The following TRPM3 variants were observed in gnomAD, a reference collection of about 807,000 sequenced individuals.
TRPM3 encodes long transient receptor potential channel 3.
A neutral mutation model predicts 181.2 loss-of-function variants in TRPM3; 77 were observed. That is an observed-to-expected ratio of 0.42 (90% CI 0.35 to 0.51). The LOEUF (loss-of-function observed/expected upper bound fraction) is 0.51, where lower values mean the gene tolerates loss of function less well. TRPM3 is among the 20% of genes least tolerant of loss of function. The pLI, the probability that TRPM3 is intolerant of heterozygous loss-of-function variation, is 0.01. For synonymous variants in TRPM3, 745 were observed against 796.4 expected, an observed-to-expected ratio of 0.94 and a Z score of 1.09; for missense variants, 1,759 against 2,196.7, an observed-to-expected ratio of 0.80 and a Z score of 3.98.
chr9:70,797,843 A>T (rs2087622406), intron 6 of TRPM3, among the ~76,000 whole-genome samples: 1 of 152,120 alleles, frequency 6.6e-6, no homozygotes, highest in African/African-American at 2.4e-5. Context: ...CCAGACCCTG[A>T]AGATGTGCAG....
chr9:70,848,528 T>TA (rs1179181617), intron 3 of TRPM3, among the ~76,000 whole-genome samples: 1 of 152,158 alleles, frequency 6.6e-6, no homozygotes, highest in African/African-American at 2.4e-5. Flanking sequence ...AAACCTCACT[T>TA]ACATACACAT....
At chr9:70,822,274 T>C (rs2093242069) in intron 6 of TRPM3, among the ~76,000 whole-genome samples, 1 of 152,198 alleles carries the variant, frequency 6.6e-6, no homozygotes, top group African/African-American at 2.4e-5. Flanking sequence ...TAGTCCTCAG[T>C]CCCTTTCTTT....
At chr9:70,864,212 G>T (rs2095588352) in intron 2 of TRPM3, among the ~76,000 whole-genome samples, 1 of 151,902 alleles carries the variant, frequency 6.6e-6, no homozygotes, top group African/African-American at 2.4e-5. Context: ...TTCCACAATG[G>T]TATATATGTT....
chr9:71,383,541 C>G (rs1435716945), intron 1 of TRPM3, among the ~76,000 whole-genome samples: 1 of 152,154 alleles, frequency 6.6e-6, no homozygotes, highest in Non-Finnish European at 1.5e-5. Flanking sequence ...CAAAAGGCAA[C>G]AGCCCCTGTC....
chr9:70,865,516 C>T (rs2095631350), intron 1 of TRPM3: 1 of 152,082 alleles, frequency 6.6e-6, no homozygotes, highest in Non-Finnish European at 1.5e-5. Context: ...ATATACAGGG[C>T]TAAAGCACAA....
At chr9:70,903,596 C>T (rs1305725229) in intron 1 of TRPM3, among the ~76,000 whole-genome samples, 4 of 151,916 alleles carry the variant, frequency 2.6e-5, no homozygotes, top group Non-Finnish European at 2.9e-5. Context: ...AGAAATTTGC[C>T]TTTTTGTTGA....
At chr9:70,746,635 C>A (rs2075211056) in intron 8 of TRPM3, among the ~76,000 whole-genome samples, 1 of 152,086 alleles carries the variant, frequency 6.6e-6, no homozygotes, top group African/African-American at 2.4e-5. Context: ...GGATACAGGG[C>A]ATGTGCAACC....
intron 1 of TRPM3, among the ~76,000 whole-genome samples, chr9:71,316,672 C>T (rs1292599193): frequency 6.6e-6 from 1 of 152,084 alleles, no homozygotes; most frequent in Non-Finnish European, 1.5e-5. Flanking sequence ...GAAATGGATC[C>T]TCTCCCAGAG....
rs748894778 is a variant in TRPM3, at chr9:71,032,946, C to T, written c.177+88232G>A. Among the ~76,000 whole-genome samples, 154 of 152,252 alleles carry T rather than the reference C, an allele frequency of 1.0e-3. 1 individual carries two copies. The highest frequency in any genetic ancestry group is 1.3e-3 in the Non-Finnish European group (86 of 68,014). On this transcript the variant is annotated intron_variant, in intron 1 of 25. Coordinates refer to ENST00000677713, the MANE Select transcript of TRPM3 (RefSeq NM_001366145.2). ...ACCTATTCATCATAGCTCCATTTAC[C>T]TTGATTAAAACTCCCTGCTTTACTT...
intron 1 of TRPM3, among the ~76,000 whole-genome samples, chr9:71,238,197 A>G (rs879300889): frequency 6.6e-6 from 1 of 152,164 alleles, no homozygotes; most frequent in Admixed American, 6.6e-5. Flanking sequence ...TTTTCTTCTC[A>G]GTAAATCTAC....
At chr9:70,603,126 A>C (rs539921218) in intron 20 of TRPM3, among the ~76,000 whole-genome samples, 1 of 152,242 alleles carries the variant, frequency 6.6e-6, no homozygotes, top group South Asian at 2.1e-4. Flanking sequence ...CAGAGAATAG[A>C]CCAAATCCTA....
At chr9:70,554,892 T>C (rs948540742) in intron 22 of TRPM3, among the ~76,000 whole-genome samples, 3 of 152,166 alleles carry the variant, frequency 2.0e-5, no homozygotes, top group Admixed American at 2.0e-4. Flanking sequence ...AGCAAGAATC[T>C]TTTTTTTATT....
In TRPM3 at chr9:70,846,607, A is replaced by G; in HGVS notation, c.463-16T>C. On this transcript the variant is annotated splice_polypyrimidine_tract_variant and intron_variant, in intron 3 of 25. Coordinates refer to ENST00000677713, the MANE Select transcript of TRPM3 (RefSeq NM_001366145.2). Reference sequence around the variant, plus strand: ...CTCGCACATACTGGAAGAAGAAAGGACATCAATTAGGGAGACAAGGCAGGA... The same window carrying G: ...CTCGCACATACTGGAAGAAGAAAGGGCATCAATTAGGGAGACAAGGCAGGA... The G allele has an allele frequency of 1.9e-6, 3 of 1,609,580 alleles. No individual in the cohort carries two copies. Among genetic ancestry groups the G allele is most frequent in the Non-Finnish European group, 2.6e-6 (3 of 1,175,880 alleles).
At chr9:71,372,234 C>T (rs765555551) in intron 1 of TRPM3, among the ~76,000 whole-genome samples, 1 of 152,146 alleles carries the variant, frequency 6.6e-6, no homozygotes, top group African/African-American at 2.4e-5. Context: ...CAGTCTATCA[C>T]TGATGGGCAT....
rs544651868 is a variant in TRPM3 at position 70,917,455 on chromosome 9, G to A, written c.178-52944C>T. The A allele has an allele frequency of 3.9e-4, 300 of 761,974 alleles. 2 individuals carry two copies. In the African/African-American group the frequency reaches 4.9e-3, roughly 12 times the overall value. 47.2% of individuals were successfully genotyped at this position (761,974 alleles called of 1,614,324 possible). ...ACTCGGCCAGACTGGAGTGGAACAAGGCCACCCGCACTGTCACTGCCACCA... is the reference window on the plus strand; with the variant it reads ...ACTCGGCCAGACTGGAGTGGAACAAAGCCACCCGCACTGTCACTGCCACCA... On this transcript the variant is annotated intron_variant, in intron 1 of 25. Coordinates refer to ENST00000677713, the MANE Select transcript of TRPM3 (RefSeq NM_001366145.2).
At chr9:71,361,931 TAA>T (rs2092163663) in intron 1 of TRPM3, among the ~76,000 whole-genome samples, 1 of 152,084 alleles carries the variant, frequency 6.6e-6, no homozygotes, top group Admixed American at 6.5e-5. Flanking sequence ...AGCTAGTGTG[TAA>T]AAAGAGATGA....
intron 22 of TRPM3, chr9:70,579,154 T>C (rs1044905524): frequency 6.6e-6 from 1 of 152,434 alleles, no homozygotes; most frequent in Non-Finnish European, 1.5e-5. Flanking sequence ...TTTTTATTTT[T>C]AGTTTTTTAG....
intron 18 of TRPM3, 49 bp from the exon 19 acceptor site, chr9:70,610,798 T>A (rs1483884418): frequency 6.3e-7 from 1 of 1,598,726 alleles, no homozygotes; most frequent in Admixed American, 1.7e-5. Flanking sequence ...CTGGAGAGCA[T>A]GTTGTTCAAT....
intron 1 of TRPM3, among the ~76,000 whole-genome samples, chr9:71,109,297 GT>G (rs201781457): frequency 3.1e-4 from 45 of 144,118 alleles, no homozygotes; most frequent in East Asian, 1.4e-3. Context: ...CTTCTGGTTT[GT>G]TTTTTTTTTT....
Sources: allele counts gnomAD v4.1 joint callset (sites outside exome capture counted in the v4.1 genomes callset), GRCh38; gene constraint gnomAD v4.1.1; transcripts MANE v1.5; gene names NCBI Gene and HGNC (gene_info 2026-07-23, HGNC 2026-07-21).